Variants in PDE4D observed in about 807,000 individuals in gnomAD.
The protein encoded by PDE4D is 3',5'-cyclic-AMP phosphodiesterase 4D.
PDE4D carries 24 observed loss-of-function variants against 87.4 expected under a neutral mutation model. The observed-to-expected ratio is 0.27, with a 90% confidence interval of 0.20 to 0.39. The LOEUF (loss-of-function observed/expected upper bound fraction) is 0.39. Among genes scored for constraint, PDE4D ranks in the 10% least tolerant of loss-of-function variants. The probability of loss-of-function intolerance (pLI) is 1.00; values close to 1 mark genes in which losing one functional copy is unlikely to be tolerated. For synonymous variants in PDE4D, 384 were observed against 383.2 expected (o/e 1.00, Z -0.02); for missense variants, 714 against 1,041.0 (o/e 0.69, Z 4.32).
intron 3 of PDE4D, among the ~76,000 whole-genome samples, chr5:59,959,428 A>C (rs1759223662): frequency 6.6e-6 from 1 of 152,202 alleles, no homozygotes; most frequent in African/African-American, 2.4e-5. Context: ...AAGAAAAAGA[A>C]CAAAGCCAGA....
chr5:60,209,907 AG>A (rs1312015726), intron 1 of PDE4D, among the ~76,000 whole-genome samples: 1 of 152,236 alleles, frequency 6.6e-6, no homozygotes, highest in African/African-American at 2.4e-5. Flanking sequence ...AGCTACCATC[AG>A]AAACCTTGCT....
chr5:60,189,473 G>A (rs533771823), intron 1 of PDE4D, among the ~76,000 whole-genome samples: 90 of 152,114 alleles, frequency 5.9e-4, no homozygotes, highest in African/African-American at 2.0e-3. Flanking sequence ...ACCTCACAGC[G>A]TTGTTATGGG....
intron 1 of PDE4D, among the ~76,000 whole-genome samples, chr5:59,708,028 C>T (rs1753694415): frequency 1.3e-5 from 2 of 152,128 alleles, no homozygotes; most frequent in Admixed American, 6.6e-5. Context: ...TTTGAGGAAT[C>T]GCCATACAGT....
At chr5:59,800,167 G>A (rs1313611704) in intron 1 of PDE4D, among the ~76,000 whole-genome samples, 1 of 152,064 alleles carries the variant, frequency 6.6e-6, no homozygotes, top group Non-Finnish European at 1.5e-5. Flanking sequence ...CTCAGCCACT[G>A]GGGAAACAGT....
chr5:59,403,926 T>C (rs1354431409), intron 1 of PDE4D, among the ~76,000 whole-genome samples: 3 of 152,228 alleles, frequency 2.0e-5, no homozygotes, highest in East Asian at 1.9e-4. Context: ...ACCAAAAGTG[T>C]AGGAGTGTTC....
At chr5:59,097,850 C>T (rs1240883671) in intron 5 of PDE4D, among the ~76,000 whole-genome samples, 5 of 152,120 alleles carry the variant, frequency 3.3e-5, no homozygotes, top group African/African-American at 9.7e-5. Flanking sequence ...TTAATGATCC[C>T]CTTCCTCTCC....
chr5:59,894,533 C>T (rs79280216), upstream of PDE4D, among the ~76,000 whole-genome samples: 20 of 152,264 alleles, frequency 1.3e-4, no homozygotes, highest in East Asian at 3.1e-3. Flanking sequence ...CCAACTTGGC[C>T]TCGGGAGTGG....
At chr5:60,460,041 A>G (rs1746801908) in intron 1 of PDE4D, 1 of 1,505,122 alleles carries the variant, frequency 6.6e-7, no homozygotes, top group Admixed American at 1.7e-5. Context: ...AGTTTGACCA[A>G]ATATCATCTT....
rs142303129 is a variant in PDE4D, at chr5:59,825,733, C to A, written c.455+67435G>T. Among the ~76,000 whole-genome samples, 8 of 152,280 alleles carry A rather than the reference C, an allele frequency of 5.3e-5. No individual in the cohort carries two copies. In the East Asian group the frequency reaches 1.5e-3, roughly 29 times the overall value. On this transcript the variant is annotated intron_variant, in intron 1 of 14. Transcript: ENST00000340635. ...TGCCTTCTGAGTTGAACAACTTGAGCTGTACTTAACTGGTACTTTAACAAC... is the reference window on the plus strand; with the variant it reads ...TGCCTTCTGAGTTGAACAACTTGAGATGTACTTAACTGGTACTTTAACAAC...
intron 2 of PDE4D, chr5:59,193,802 A>G (rs1332931744): frequency 1.0e-6 from 1 of 985,212 alleles, no homozygotes; most frequent in Non-Finnish European, 1.2e-6. Context: ...CACACAGGAT[A>G]TGCAATAGTA....
chr5:60,037,812 CTT>C (rs1475731659), intron 2 of PDE4D, among the ~76,000 whole-genome samples: 4 of 152,096 alleles, frequency 2.6e-5, no homozygotes, highest in African/African-American at 7.2e-5. Flanking sequence ...TATTCTGACA[CTT>C]TTTATTTTTA....
rs527587573 is a variant in PDE4D, at chr5:60,012,384, T to C, written c.43-23667A>G. On this transcript the variant is annotated intron_variant, in intron 2 of 16. Coordinates refer to the PDE4D transcript ENST00000502484. ...GACTTTAAATGATTTCATTTTATTC[T>C]ATTCAGAATTTTCAATGGAAAACGA... Among the ~76,000 whole-genome samples the C allele has an allele frequency of 2.6e-5, 4 of 152,354 alleles. No homozygotes were observed. The East Asian group carries it at 5.8e-4, about 22-fold the overall frequency.
chr5:60,136,156 T>A (rs1040251860), intron 2 of PDE4D, among the ~76,000 whole-genome samples: 3 of 152,172 alleles, frequency 2.0e-5, no homozygotes, highest in African/African-American at 7.2e-5. Context: ...GATAGACTTA[T>A]CACATATTTG....
rs571727500 is a variant in PDE4D, at chr5:59,053,526, A to G, written c.809-14555T>C. Reference sequence around the variant, plus strand: ...ATTTGAGACAAATTTGAGATTTACTAAAATTATTATATGTGTGTCCTTCTG... The same window carrying G: ...ATTTGAGACAAATTTGAGATTTACTGAAATTATTATATGTGTGTCCTTCTG... On this transcript the variant is annotated intron_variant, in intron 5 of 14. Coordinates refer to ENST00000340635, the MANE Select transcript of PDE4D (RefSeq NM_001104631.2). Among the ~76,000 whole-genome samples the G allele has an allele frequency of 5.9e-5, 9 of 152,182 alleles. No individual in the cohort carries two copies. The East Asian group carries it at 1.7e-3, about 29-fold the overall frequency.
chr5:59,573,964 C>T (rs1822321896), intron 1 of PDE4D, among the ~76,000 whole-genome samples: 1 of 134,188 alleles, frequency 7.5e-6, no homozygotes, highest in Non-Finnish European at 1.6e-5. Flanking sequence ...CACCACTGCA[C>T]TCCAGCCTGG....
intron 1 of PDE4D, among the ~76,000 whole-genome samples, chr5:60,297,952 G>A (rs1043490034): frequency 6.6e-6 from 1 of 152,190 alleles, no homozygotes; most frequent in Non-Finnish European, 1.5e-5. Flanking sequence ...AGTGCATTCA[G>A]CTGTGGCGTA....
At chr5:60,320,822 A>G in intron 1 of PDE4D, among the ~76,000 whole-genome samples, 1 of 152,208 alleles carries the variant, frequency 6.6e-6, no homozygotes, top group East Asian at 1.9e-4. Flanking sequence ...AATAAATAAA[A>G]TACTTAGGAA....
Position 59,200,676 on chromosome 5 carries a change from CACGTATACATACATAT to C in PDE4D, c.648-7156_648-7141del, listed in dbSNP as rs1561692410. 9.8e-3 allele frequency among the ~76,000 whole-genome samples: 924 copies of C among 94,048 alleles called. 14 individuals carry two copies. The highest frequency in any genetic ancestry group is 0.014 in the Non-Finnish European group (596 of 43,590). The allele number at this position is 94,048 out of a possible 152,430, so 61.7% of individuals were successfully genotyped here. A position where few individuals can be genotyped will look rare whatever the true frequency, so the allele number is the denominator to read the frequency against. ...ACATACATATGTGTATGTATAGATA[CACGTATACATACATAT>C]GTGTATGTATAGATACACGTATACA... On this transcript the variant is annotated intron_variant, in intron 2 of 14. Coordinates refer to ENST00000340635, the MANE Select transcript of PDE4D (RefSeq NM_001104631.2).
intron 1 of PDE4D, among the ~76,000 whole-genome samples, chr5:59,636,883 C>T (rs1406191631): frequency 1.3e-5 from 2 of 152,128 alleles, no homozygotes; most frequent in Non-Finnish European, 2.9e-5. Flanking sequence ...GCAATGGCAA[C>T]GAAAGCCAAA....
Sources: allele counts gnomAD v4.1 joint callset (sites outside exome capture counted in the v4.1 genomes callset), GRCh38; gene constraint gnomAD v4.1.1; transcripts MANE v1.5; gene names NCBI Gene and HGNC (gene_info 2026-07-23, HGNC 2026-07-21).